The following MYH3 variants were observed in gnomAD, a reference collection of about 807,000 sequenced individuals.
The protein encoded by MYH3 is myosin heavy chain 3, also known as myosin-3.
A neutral mutation model predicts 238.0 loss-of-function variants in MYH3; 130 were observed. The ratio of observed to expected loss-of-function variants is 0.55; its 90% CI spans 0.47 to 0.63. The LOEUF is 0.63. Ranked by LOEUF, MYH3 falls within the 30% of genes least tolerant of loss-of-function variation. The pLI, the probability that MYH3 is intolerant of heterozygous loss-of-function variation, is 0.00. For missense variants in MYH3, 1,853 were observed against 2,374.9 expected (o/e 0.78, Z 4.57); for synonymous variants, 880 against 924.1 (o/e 0.95, Z 0.86).
chr17:10,661,959 C>T (rs980770883), upstream of MYH3, among the ~76,000 whole-genome samples: 1 of 152,104 alleles, frequency 6.6e-6, no homozygotes, highest in African/African-American at 2.4e-5. Flanking sequence ...AGAGAGAGGC[C>T]ATAACTCTCC....
the MYH3 span, among the ~76,000 whole-genome samples, chr17:10,667,061 G>A: frequency 3.2e-3 from 491 of 152,240 alleles, 3 homozygotes; most frequent in African/African-American, 0.011. Context: ...CCAAATGCTG[G>A]GCAAGACATT....
rs149141044 is a variant in MYH3, at chr17:10,641,619, A to G, written c.1960-247T>C. 5.1e-3 allele frequency among the ~76,000 whole-genome samples: 772 copies of G among 151,398 alleles called. 2 individuals carry two copies. Among genetic ancestry groups the G allele is most frequent in the Middle Eastern group, 0.01 (3 of 294 alleles). On this transcript the variant is annotated intron_variant, in intron 17 of 40. Coordinates refer to ENST00000583535, the MANE Select transcript of MYH3 (RefSeq NM_002470.4). ...AACCTCCTCCTCCTAGGTTCAAGCAATTCTCCTGCCTCAGCCTCCTGAGTA... is the reference window on the plus strand; with the variant it reads ...AACCTCCTCCTCCTAGGTTCAAGCAGTTCTCCTGCCTCAGCCTCCTGAGTA...
chr17:10,633,519 G>C (rs1447304635), intron 33 of MYH3, 72 bp downstream of exon 33: 8 of 1,599,660 alleles, frequency 5.0e-6, no homozygotes, highest in East Asian at 2.2e-5. Flanking sequence ...GACACAGCAT[G>C]GAGCAGCCAG....
Position 10,642,791 on chromosome 17 carries a change from T to C in MYH3, c.1581+35A>G, listed in dbSNP as rs746564120. 1.2e-6 allele frequency: 2 copies of C among 1,614,090 alleles called. No homozygotes were observed. Among genetic ancestry groups the C allele is most frequent in the Admixed American group, 1.7e-5 (1 of 60,002 alleles). ...CTGCAGTAATGAGCAGAAGAGTCTA[T>C]GAGAAGAGCTTACGGTGGGGATGGA... On this transcript the variant is annotated intron_variant, in intron 15 of 40. Coordinates refer to ENST00000583535, the MANE Select transcript of MYH3 (RefSeq NM_002470.4). The surrounding 1 kb of genome is among the most constrained non-coding windows in gnomAD (Gnocchi z 5.4).
chr17:10,642,787 T>C lies in MYH3; in HGVS notation c.1581+39A>G, dbSNP rs372254163. On this transcript the variant is annotated intron_variant, in intron 15 of 40. Coordinates refer to ENST00000583535, the MANE Select transcript of MYH3 (RefSeq NM_002470.4). This position sits in a 1 kb window ranked among gnomAD's most constrained non-coding sequence, Gnocchi z 5.4. The stretch of plus-strand genomic sequence containing the variant: ...TGAGCTGCAGTAATGAGCAGAAGAG[T>C]CTATGAGAAGAGCTTACGGTGGGGA... 26 of 1,613,504 alleles carry C rather than the reference T, an allele frequency of 1.6e-5. No homozygotes were observed. The South Asian group carries it at 2.0e-4, about 12-fold the overall frequency.
At chr17:10,629,434 C>T (rs983828904) in intron 40 of MYH3, among the ~76,000 whole-genome samples, 163 bp downstream of exon 40, 4 of 152,144 alleles carry the variant, frequency 2.6e-5, no homozygotes, top group Non-Finnish European at 5.9e-5. Flanking sequence ...GACTCACAGA[C>T]CAGGATTCTA....
At chr17:10,664,167 G>A in the MYH3 span, among the ~76,000 whole-genome samples, 29 of 151,604 alleles carry the variant, frequency 1.9e-4, no homozygotes, top group Non-Finnish European at 3.2e-4. Flanking sequence ...GTTATGTAGA[G>A]TCTTATAAAA....
chr17:10,638,063 C>A lies in MYH3; in HGVS notation c.3709G>T (p.Glu1237Ter), dbSNP rs2074232288. ...AGCACCTTAGATTTCGACACACTCTCCATGCTGCTGGAGAGGTCATCGATC... is the reference window on the plus strand; with the variant it reads ...AGCACCTTAGATTTCGACACACTCTACATGCTGCTGGAGAGGTCATCGATC... ...LEIDDLSSSM[E>*]SVSKSKANLE... is the part of the protein sequence containing the mutation. Residue 1237 changes from glutamate (E) to a stop codon, truncating the protein, a stop_gained, in exon 27 of 41, where the codon GAG becomes TAG. Coordinates refer to ENST00000583535, the MANE Select transcript of MYH3 (RefSeq NM_002470.4). LOFTEE classifies it high-confidence loss of function. 6.2e-7 allele frequency: 1 copy of A among 1,613,850 alleles called. No individual in the cohort carries two copies. Among genetic ancestry groups the A allele is most frequent in the South Asian group, 1.1e-5 (1 of 91,068 alleles).
At chr17:10,675,191 C>T in the MYH3 span, 1 of 152,228 alleles carries the variant, frequency 6.6e-6, no homozygotes, top group African/African-American at 2.4e-5. Flanking sequence ...TCTCTGGGGC[C>T]TAAGTGTGGC....
At chr17:10,629,192 C>T (rs1166232715) in intron 40 of MYH3, among the ~76,000 whole-genome samples, 1 of 152,152 alleles carries the variant, frequency 6.6e-6, no homozygotes, top group South Asian at 2.1e-4. Context: ...CCCCCACCCC[C>T]GGAAAGGCCC....
chr17:10,643,370 G>A (rs2074291125), intron 14 of MYH3, among the ~76,000 whole-genome samples: 1 of 151,686 alleles, frequency 6.6e-6, no homozygotes, highest in African/African-American at 2.4e-5. Flanking sequence ...GAGTGGCTAT[G>A]CACTTTTTTT....
In MYH3 at chr17:10,654,796, A is replaced by G; in HGVS notation, c.204+65T>C. ...GAAGTGGCTGGGGTTGGGCAGATGC[A>G]TACCCCAGGCAAGCACAAGGACCAG... On this transcript the variant is annotated intron_variant, in intron 3 of 40. Coordinates refer to ENST00000583535, the MANE Select transcript of MYH3 (RefSeq NM_002470.4). This position sits in a 1 kb window ranked among gnomAD's most constrained non-coding sequence, Gnocchi z 4.5. 1 of 1,482,692 alleles carries G rather than the reference A, an allele frequency of 6.7e-7. No homozygotes were observed. Among genetic ancestry groups the G allele is most frequent in the East Asian group, 2.3e-5 (1 of 44,228 alleles). 91.8% of individuals were successfully genotyped at this position (1,482,692 alleles called of 1,614,324 possible).
chr17:10,650,423 T>TA (rs1410401714), intron 5 of MYH3, 22 bp from the exon 6 acceptor site: 19 of 1,607,728 alleles, frequency 1.2e-5, no homozygotes, highest in South Asian at 2.2e-5. Context: ...AAAAATAAAA[T>TA]AGAGTTGATG....
At chr17:10,673,242 T>A in the MYH3 span, 1 of 152,244 alleles carries the variant, frequency 6.6e-6, no homozygotes, top group Non-Finnish European at 1.5e-5. Flanking sequence ...GATCTCGTGA[T>A]CTGCCTTTTC....
At chr17:10,645,044 A>AT (rs36082575) in intron 12 of MYH3, among the ~76,000 whole-genome samples, 85,688 of 146,662 alleles carry the variant, frequency 0.58, 27,020 homozygotes, top group Non-Finnish European at 0.73. Context: ...GCTTCCATCC[A>AT]TTTTTTTTTT....
intron 5 of MYH3, among the ~76,000 whole-genome samples, chr17:10,651,201 A>AAC (rs386385646): frequency 2.0e-5 from 3 of 151,532 alleles, no homozygotes; most frequent in African/African-American, 4.9e-5. Context: ...AAAAAAAAAA[A>AAC]ACCAGCCAGT....
intron 40 of MYH3, 136 bp from the exon 41 acceptor site, chr17:10,628,815 G>T: frequency 4.5e-6 from 4 of 895,442 alleles, no homozygotes; most frequent in South Asian, 4.0e-5. Flanking sequence ...TTGGGAAAAC[G>T]CACGATTGCA....
Position 10,642,231 on chromosome 17 carries a change from T to A in MYH3, c.1959+9A>T. ...CAATTATAAGCAAATAAACTTGTAT[T>A]TTTCTTACCCTGAAAAGGGCAGAGA... On this transcript the variant is annotated intron_variant, in intron 17 of 40. Coordinates refer to ENST00000583535, the MANE Select transcript of MYH3 (RefSeq NM_002470.4). The surrounding 1 kb of genome is among the most constrained non-coding windows in gnomAD (Gnocchi z 5.4). 3 of 1,612,180 alleles carry A rather than the reference T, an allele frequency of 1.9e-6. No homozygotes were observed. Among genetic ancestry groups the A allele is most frequent in the Middle Eastern group, 1.7e-4 (1 of 6,060 alleles).
In MYH3 at chr17:10,635,955, AATG is replaced by A. The variant is rs2074211761; in HGVS notation, c.3857-105_3857-103del. The A allele has an allele frequency of 4.0e-6, 4 of 993,508 alleles. No individual in the cohort carries two copies. The East Asian group carries it at 7.2e-5, about 18-fold the overall frequency. 61.5% of individuals were successfully genotyped at this position (993,508 alleles called of 1,614,324 possible). A position where few individuals can be genotyped will look rare whatever the true frequency, so the allele number is the denominator to read the frequency against. On this transcript the variant is annotated intron_variant, in intron 28 of 40. Transcript: ENST00000583535. ...TGTGCTAAGATCTGGGGAGACAGAA[AATG>A]ATAAGATATGGTTTCTTCTTCAGGG...
Sources: allele counts gnomAD v4.1 joint callset (sites outside exome capture counted in the v4.1 genomes callset), GRCh38; gene constraint gnomAD v4.1.1; non-coding constraint Gnocchi (gnomAD v3.1); transcripts MANE v1.5; gene names NCBI Gene and HGNC (gene_info 2026-07-23, HGNC 2026-07-21).